ANK3: variants seen among roughly 807,000 people sequenced by gnomAD.
ANK3 encodes the protein ankyrin 3.
ANK3 carries 57 observed loss-of-function variants against 370.9 expected under a neutral mutation model. The ratio of observed to expected loss-of-function variants is 0.15; its 90% CI spans 0.12 to 0.19. The LOEUF is 0.19. Among genes scored for constraint, ANK3 ranks in the 10% least tolerant of loss-of-function variants. The pLI, the probability that ANK3 is intolerant of heterozygous loss-of-function variation, is 1.00. For synonymous variants in ANK3, 1,929 were observed against 1,946.3 expected, an observed-to-expected ratio of 0.99 and a Z score of 0.23; for missense variants, 4,439 against 5,302.1, an observed-to-expected ratio of 0.84 and a Z score of 5.06.
At chr10:60,235,027 G>A (rs2097306954) in intron 7 of ANK3, among the ~76,000 whole-genome samples, 1 of 152,200 alleles carries the variant, frequency 6.6e-6, no homozygotes, top group Admixed American at 6.5e-5. Flanking sequence ...CACTTGAGGT[G>A]ACTGATGGAT....
intron 4 of ANK3, among the ~76,000 whole-genome samples, chr10:60,270,477 T>G (rs2097956109): frequency 6.6e-6 from 1 of 152,178 alleles, no homozygotes; most frequent in Non-Finnish European, 1.5e-5. Flanking sequence ...AGTTCATAGT[T>G]AATAGTCCAA....
intron 1 of ANK3, among the ~76,000 whole-genome samples, chr10:60,354,580 G>C (rs1431793789): frequency 2.0e-5 from 3 of 152,052 alleles, no homozygotes; most frequent in African/African-American, 7.2e-5. Flanking sequence ...AAATAAACCA[G>C]AGTTAAGAAC....
At chr10:60,670,832 G>C (rs188661073) in intron 1 of ANK3, among the ~76,000 whole-genome samples, 1 of 152,204 alleles carries the variant, frequency 6.6e-6, no homozygotes, top group South Asian at 2.1e-4. Context: ...AGTGTTGTGC[G>C]GCACTTCTGA....
intron 2 of ANK3, among the ~76,000 whole-genome samples, chr10:60,546,935 C>G (rs2076976611): frequency 6.6e-6 from 1 of 152,012 alleles, no homozygotes; most frequent in Non-Finnish European, 1.5e-5. Context: ...TTTACAAAAG[C>G]TAAAATGGAA....
intron 1 of ANK3, among the ~76,000 whole-genome samples, chr10:60,372,920 A>T (rs1441737971): frequency 3.9e-5 from 6 of 152,386 alleles, no homozygotes; most frequent in Admixed American, 1.3e-4. Flanking sequence ...TGCAGCCTAT[A>T]AAGTCATTAA....
chr10:60,613,814 C>CA (rs2078232647), intron 2 of ANK3, among the ~76,000 whole-genome samples: 1 of 152,208 alleles, frequency 6.6e-6, no homozygotes, highest in South Asian at 2.1e-4. Context: ...TGGCTCACGC[C>CA]TGTAATCCCA....
intron 1 of ANK3, among the ~76,000 whole-genome samples, chr10:60,701,970 A>G (rs1589050294): frequency 1.3e-5 from 2 of 152,294 alleles, no homozygotes; most frequent in South Asian, 4.1e-4. Context: ...CCTAAAAACA[A>G]AAATTAGGCT....
chr10:60,597,576 C>T (rs927617885), intron 2 of ANK3, among the ~76,000 whole-genome samples: 6 of 152,134 alleles, frequency 3.9e-5, no homozygotes, highest in African/African-American at 9.7e-5. Context: ...CCTCCTTCAC[C>T]TCCCCCAAGG....
At chr10:60,201,134 C>T (rs2096667183) in intron 12 of ANK3, among the ~76,000 whole-genome samples, 1 of 152,202 alleles carries the variant, frequency 6.6e-6, no homozygotes, top group Non-Finnish European at 1.5e-5. Flanking sequence ...AGACAGATTC[C>T]ACAGGAAACT....
intron 3 of ANK3, 26 bp downstream of exon 3, chr10:60,279,024 A>G (rs772653712): frequency 8.1e-6 from 13 of 1,610,442 alleles, no homozygotes; most frequent in Non-Finnish European, 1.0e-5. Context: ...GAGTGGTTCA[A>G]AAAGCATTAA....
chr10:60,213,570 T>TACA (rs2096889406), intron 8 of ANK3, 60 bp from the exon 9 acceptor site: 1 of 1,146,744 alleles, frequency 8.7e-7, no homozygotes, highest in Admixed American at 2.2e-5. Flanking sequence ...GAGTGCAGTG[T>TACA]ACTTCTTCAA....
chr10:60,030,851 GAC>G (rs2085678833), intron 43 of ANK3, among the ~76,000 whole-genome samples: 1 of 152,198 alleles, frequency 6.6e-6, no homozygotes, highest in African/African-American at 2.4e-5. Context: ...TTGGTTTGGT[GAC>G]AGTTTTAGAC....
At position 60,196,341 on chromosome 10, in the gene ANK3, C is replaced by T. The variant is rs2096585198; in HGVS notation, c.1789-98G>A. 5 of 1,126,222 alleles carry T rather than the reference C, an allele frequency of 4.4e-6. No individual in the cohort carries two copies. In the South Asian group the frequency reaches 5.6e-5, roughly 13 times the overall value. 69.8% of individuals were successfully genotyped at this position (1,126,222 alleles called of 1,614,324 possible). A position where few individuals can be genotyped will look rare whatever the true frequency, so the allele number is the denominator to read the frequency against. Reference sequence around the variant, plus strand: ...AAATTAGATTGGATACGACATAGGGCATATTTACATTCCGGTTTCCACAGT... The same window carrying T: ...AAATTAGATTGGATACGACATAGGGTATATTTACATTCCGGTTTCCACAGT... On this transcript the variant is annotated intron_variant, in intron 15 of 43. Coordinates refer to ENST00000280772, the MANE Select transcript of ANK3 (RefSeq NM_020987.5).
intron 2 of ANK3, among the ~76,000 whole-genome samples, chr10:60,602,985 A>T (rs1262977163): frequency 6.6e-6 from 1 of 152,086 alleles, no homozygotes; most frequent in Non-Finnish European, 1.5e-5. Context: ...AAAGGGATCT[A>T]AAAAAAGGGG....
In ANK3 at chr10:60,138,956, C is replaced by T. The variant is rs778196754; in HGVS notation, c.2738+8G>A. 2.5e-5 allele frequency: 41 copies of T among 1,612,550 alleles called. No individual in the cohort carries two copies. The South Asian group carries it at 2.8e-4, about 11-fold the overall frequency. ...AATTAACTATGAAAGACAGCAACAACGAAGTACCTGGCAGAACGCGCTCCG... is the reference window on the plus strand; with the variant it reads ...AATTAACTATGAAAGACAGCAACAATGAAGTACCTGGCAGAACGCGCTCCG... On this transcript the variant is annotated splice_region_variant and intron_variant, in intron 24 of 43. Coordinates refer to ENST00000280772, the MANE Select transcript of ANK3 (RefSeq NM_020987.5).
intron 1 of ANK3, among the ~76,000 whole-genome samples, chr10:60,358,218 A>T (rs1044772972): frequency 4.6e-5 from 7 of 152,020 alleles, no homozygotes; most frequent in Admixed American, 3.3e-4. Context: ...AAAATGCTCC[A>T]ATATATTGTT....
intron 26 of ANK3, among the ~76,000 whole-genome samples, chr10:60,110,713 C>T (rs1191227410): frequency 5.9e-5 from 9 of 152,066 alleles, no homozygotes; most frequent in African/African-American, 2.2e-4. Context: ...GGCAATATGG[C>T]AATATTATAA....
chr10:60,124,125 C>T (rs1590351024), intron 25 of ANK3, among the ~76,000 whole-genome samples: 1 of 152,128 alleles, frequency 6.6e-6, no homozygotes, highest in Admixed American at 6.6e-5. Context: ...CAAACAAAAA[C>T]ACAGATGATG....
intron 2 of ANK3, among the ~76,000 whole-genome samples, chr10:60,592,703 G>T (rs796144681): frequency 6.6e-6 from 1 of 152,202 alleles, no homozygotes; most frequent in African/African-American, 2.4e-5. Context: ...GGCAGAAGTC[G>T]CAGTGAGCTG....
Sources: allele counts gnomAD v4.1 joint callset (sites outside exome capture counted in the v4.1 genomes callset), GRCh38; gene constraint gnomAD v4.1.1; transcripts MANE v1.5; gene names NCBI Gene and HGNC (gene_info 2026-07-23, HGNC 2026-07-21).